The following MYH10 variants were observed in gnomAD, a reference collection of about 807,000 sequenced individuals.
The protein encoded by MYH10 is myosin heavy chain 10, also known as myosin-10.
Under a neutral mutation model 257.8 loss-of-function variants are expected in MYH10, and 55 were observed. That is an observed-to-expected ratio of 0.21 (90% confidence interval 0.17 to 0.27). The LOEUF is 0.27. Ranked by LOEUF, MYH10 falls within the 10% of genes least tolerant of loss-of-function variation. The probability of loss-of-function intolerance (pLI) is 1.00; values close to 1 mark genes in which losing one functional copy is unlikely to be tolerated. For synonymous variants in MYH10, 854 were observed against 921.7 expected (o/e 0.93, Z 1.33); for missense variants, 1,631 against 2,500.6 (o/e 0.65, Z 7.42).
rs57833859 is a variant in MYH10 at position 8,569,221 on chromosome 17, CA to C, written c.756+498del. Among the ~76,000 whole-genome samples, 130,274 of 138,876 alleles carry C rather than the reference CA, an allele frequency of 0.94. 61,111 individuals carry two copies. Among genetic ancestry groups the C allele is most frequent in the Middle Eastern group, 0.99 (270 of 274 alleles). 91.1% of individuals were successfully genotyped at this position (138,876 alleles called of 152,430 possible). A position where few individuals can be genotyped will look rare whatever the true frequency, so the allele number is the denominator to read the frequency against. On this transcript the variant is annotated intron_variant, in intron 7 of 42. Coordinates refer to ENST00000360416, the MANE Select transcript of MYH10 (RefSeq NM_001256012.3). This position sits in a 1 kb window ranked among gnomAD's most constrained non-coding sequence, Gnocchi z 4.1. ...TGGGTGACAGAGCAAGACCCTGTCT[CA>C]AAAAAAAAAAAAAATTAAAGAGAAG...
At chr17:8,613,210 G>A (rs1367431127) in intron 2 of MYH10, among the ~76,000 whole-genome samples, 6 of 152,142 alleles carry the variant, frequency 3.9e-5, no homozygotes, top group South Asian at 2.1e-4. Context: ...GAAAACAACC[G>A]CCGGCTCTGA....
At chr17:8,589,011 C>G (rs972135048) in intron 4 of MYH10, 70 bp downstream of exon 4, 15 of 1,479,326 alleles carry the variant, frequency 1.0e-5, no homozygotes, top group African/African-American at 4.2e-5. Context: ...TCCCCTCCCC[C>G]CAGACAAAAA....
chr17:8,592,327 GA>G (rs1424772211), intron 3 of MYH10, among the ~76,000 whole-genome samples: 1 of 150,774 alleles, frequency 6.6e-6, no homozygotes, highest in Non-Finnish European at 1.5e-5. Context: ...ATGGAAAACA[GA>G]AAAAAGAAAA....
At chr17:8,567,630 G>C (rs1467191434) in intron 7 of MYH10, among the ~76,000 whole-genome samples, 1 of 152,096 alleles carries the variant, frequency 6.6e-6, no homozygotes, top group East Asian at 1.9e-4. Flanking sequence ...GTCCTCATAA[G>C]AAGAGATTAG....
Position 8,475,801 on chromosome 17 carries a change from A to G in MYH10, c.*3T>C. 2.5e-6 allele frequency: 4 copies of G among 1,613,816 alleles called. No homozygotes were observed. Among genetic ancestry groups the G allele is most frequent in the Non-Finnish European group, 3.4e-6 (4 of 1,179,824 alleles). On this transcript the variant is annotated 3_prime_UTR_variant, in exon 43 of 43. Coordinates refer to ENST00000360416, the MANE Select transcript of MYH10 (RefSeq NM_001256012.3). ...GTATTGCCTCCTCTGGCTTCCTGCA[A>G]CTTTACTCTGACTGGGGTGGCTGCG... is the stretch of plus-strand genomic sequence containing the variant.
chr17:8,570,157 T>C (rs986080239), intron 6 of MYH10, among the ~76,000 whole-genome samples: 1 of 152,228 alleles, frequency 6.6e-6, no homozygotes, highest in Non-Finnish European at 1.5e-5. Context: ...ACACTTCAAT[T>C]AAGAACATAT....
At chr17:8,601,890 T>TA (rs1242890102) in intron 3 of MYH10, among the ~76,000 whole-genome samples, 7 of 152,136 alleles carry the variant, frequency 4.6e-5, no homozygotes, top group Middle Eastern at 3.4e-3. Flanking sequence ...TTAATACACT[T>TA]AAAGATGTGG....
At chr17:8,572,302 ATTC>A (rs1296681173) in intron 6 of MYH10, among the ~76,000 whole-genome samples, 132 of 149,762 alleles carry the variant, frequency 8.8e-4, no homozygotes, top group Non-Finnish European at 4.4e-5. Context: ...CACTGATTCT[ATTC>A]TTCTTGTGTT....
intron 3 of MYH10, among the ~76,000 whole-genome samples, chr17:8,603,794 T>C (rs2084697737): frequency 6.6e-6 from 1 of 152,166 alleles, no homozygotes; most frequent in Non-Finnish European, 1.5e-5. Flanking sequence ...CAAAAAAAGA[T>C]TATTAAATTT....
intron 2 of MYH10, among the ~76,000 whole-genome samples, chr17:8,616,380 T>C (rs1327612673): frequency 6.6e-6 from 1 of 152,022 alleles, no homozygotes; most frequent in Non-Finnish European, 1.5e-5. Flanking sequence ...TCGGCTAAAC[T>C]ATAATAACCA....
chr17:8,522,869 C>T (rs989312316), intron 17 of MYH10, among the ~76,000 whole-genome samples: 4 of 152,142 alleles, frequency 2.6e-5, no homozygotes, highest in Non-Finnish European at 2.9e-5. Flanking sequence ...GACCCTGGTA[C>T]GTTTACCTGG....
At chr17:8,547,250 T>A (rs1441652457) in intron 11 of MYH10, among the ~76,000 whole-genome samples, 1 of 152,172 alleles carries the variant, frequency 6.6e-6, no homozygotes, top group African/African-American at 2.4e-5. Context: ...CCTCTATTTA[T>A]GGGTCATTAA....
rs570508190 is a variant in MYH10 at position 8,586,655 on chromosome 17, T to C, written c.530+2426A>G. Among the ~76,000 whole-genome samples the C allele has an allele frequency of 5.3e-5, 8 of 152,320 alleles. No individual in the cohort carries two copies. The East Asian group carries it at 1.4e-3, about 26-fold the overall frequency. Reference sequence around the variant, plus strand: ...TACCTCATAAATCCAAGTCTATTAATTGGTGACAAAGTACAAACTAAAATG... The same window carrying C: ...TACCTCATAAATCCAAGTCTATTAACTGGTGACAAAGTACAAACTAAAATG... On this transcript the variant is annotated intron_variant, in intron 4 of 42. Transcript: ENST00000360416.
At chr17:8,487,841 G>C (rs1915131751) in intron 35 of MYH10, among the ~76,000 whole-genome samples, 1 of 152,178 alleles carries the variant, frequency 6.6e-6, no homozygotes, top group Non-Finnish European at 1.5e-5. Flanking sequence ...GGGCATGCGA[G>C]AAGGCAGCCA....
chr17:8,574,273 C>A (rs2152013127), intron 6 of MYH10, among the ~76,000 whole-genome samples: 1 of 152,228 alleles, frequency 6.6e-6, no homozygotes. Context: ...AAAGAAAGAA[C>A]CGTCAGGGAG....
At chr17:8,626,882 G>A (rs1185648743) in intron 1 of MYH10, among the ~76,000 whole-genome samples, 1 of 152,132 alleles carries the variant, frequency 6.6e-6, no homozygotes, top group Admixed American at 6.6e-5. Context: ...CACTGGACAT[G>A]TAATTAGATG....
At chr17:8,626,318 C>T (rs1321489990) in intron 1 of MYH10, among the ~76,000 whole-genome samples, 1 of 152,042 alleles carries the variant, frequency 6.6e-6, no homozygotes, top group Non-Finnish European at 1.5e-5. Flanking sequence ...GTAATCCCAG[C>T]GCTTTGGGAG....
chr17:8,525,803 GT>G (rs1306654650), intron 17 of MYH10, among the ~76,000 whole-genome samples: 6 of 151,908 alleles, frequency 3.9e-5, no homozygotes, highest in African/African-American at 1.5e-4. Context: ...CTTGTTTTTT[GT>G]TTTTTTGAGA....
intron 3 of MYH10, among the ~76,000 whole-genome samples, chr17:8,603,985 C>A (rs2084704278): frequency 6.6e-6 from 1 of 152,134 alleles, no homozygotes; most frequent in Admixed American, 6.5e-5. Context: ...AATTCCTTCA[C>A]ACTATCCTTC....
Sources: gnomAD v4.1 joint callset for allele counts (sites outside exome capture counted in the v4.1 genomes callset) on GRCh38, gnomAD v4.1.1 for gene constraint, Gnocchi (gnomAD v3.1) non-coding constraint, MANE v1.5 for transcripts, NCBI Gene and HGNC (gene_info 2026-07-23, HGNC 2026-07-21) for gene names.